FAN1: variants seen among roughly 807,000 people sequenced by gnomAD.
FAN1 encodes FANCD2 and FANCI associated nuclease 1.
A neutral mutation model predicts 104.9 loss-of-function variants in FAN1; 91 were observed. The observed-to-expected ratio is 0.87, with a 90% CI of 0.73 to 1.03. The LOEUF is 1.03. Among genes scored for constraint, FAN1 ranks in the 50% least tolerant of loss-of-function variants. The pLI is 0.00. For synonymous variants in FAN1, 478 were observed against 457.6 expected (o/e 1.04, Z -0.57); for missense variants, 1,263 against 1,239.9 (o/e 1.02, Z -0.28).
In FAN1 at chr15:30,925,152, T is replaced by C. The variant is rs1444785408; in HGVS notation, c.2198T>C (p.Leu733Pro). The C allele has an allele frequency of 1.2e-6, 2 of 1,613,986 alleles. No homozygotes were observed. Among genetic ancestry groups the C allele is most frequent in the Admixed American group, 3.3e-5 (2 of 60,006 alleles). The change falls in exon 9 of 15, where the codon CTG (leucine) becomes CCG (proline). Residue 733 changes from leucine to proline, a missense_variant. Transcript: ENST00000362065. ...EPTIKCITEGLADPEVRTGHR... is the reference protein window; with the variant it reads ...EPTIKCITEGPADPEVRTGHR... ...ACTATCAAGTGCATCACAGAGGGGC[T>C]GGCGGATCCGGAAGTCAGAACGGGA...
In FAN1 at chr15:30,904,754, A is replaced by G; in HGVS notation, c.91A>G (p.Ile31Val). The G allele has an allele frequency of 6.2e-7, 1 of 1,613,038 alleles. No homozygotes were observed. Residue 31 changes from isoleucine to valine, a missense_variant, in exon 2 of 15, where the codon ATT (isoleucine) becomes GTT (valine). By Grantham distance (29) the Ile-to-Val change is conservative. Transcript: ENST00000362065. The part of the protein sequence containing the change: ...KNKKKASNSI[I>V]SCFNNAPPAK... ...TAAGAAAAAAGCATCTAATTCTATT[A>G]TTTCGTGTTTTAACAATGCACCACC...
rs1435783014 is a variant in FAN1, at chr15:30,926,663, C to T, written c.2488+724C>T. 13 of 985,226 alleles carry T rather than the reference C, an allele frequency of 1.3e-5. No individual in the cohort carries two copies. The East Asian group carries it at 4.5e-4, about 34-fold the overall frequency. 61.0% of individuals were successfully genotyped at this position (985,226 alleles called of 1,614,324 possible). On this transcript the variant is annotated intron_variant, in intron 10 of 14. Transcript: ENST00000362065. ...AAATGCCAGTGAAGACAGAGAGATA[C>T]AGTAGGCCTGAAATGGTTAGAAATA...
At chr15:30,930,318 T>C (rs551083520) in intron 12 of FAN1, among the ~76,000 whole-genome samples, 14 of 152,256 alleles carry the variant, frequency 9.2e-5, no homozygotes, top group Admixed American at 2.6e-4. Context: ...GGCAGAAGCC[T>C]GGAAACTGAC....
chr15:30,925,261 C>A lies in FAN1; in HGVS notation c.2307C>A (p.Leu769=). The change falls in exon 9 of 15, where the codon CTC becomes CTA. Residue 769 remains leucine (L), a synonymous_variant. Coordinates refer to ENST00000362065, the MANE Select transcript of FAN1 (RefSeq NM_014967.5). The part of the protein sequence containing the change: ...CKKFKHLFQQ[L]PEMAVQDVKH... ...AGTTCAAGCACCTCTTCCAGCAGCT[C>A]CCAGAAATGGCTGTGCAAGATGTGA... 1 of 1,614,120 alleles carries A rather than the reference C, an allele frequency of 6.2e-7. No individual in the cohort carries two copies. Among genetic ancestry groups the A allele is most frequent in the Middle Eastern group, 1.6e-4 (1 of 6,062 alleles).
intron 10 of FAN1, chr15:30,927,424 T>C (rs771894972): frequency 2.0e-6 from 2 of 985,608 alleles, no homozygotes; most frequent in Non-Finnish European, 2.4e-6. Context: ...TTTGAATCCC[T>C]GAGACGGGCT....
At chr15:30,941,307 T>C in intron 14 of FAN1, 1 of 1,523,746 alleles carries the variant, frequency 6.6e-7, no homozygotes, top group East Asian at 2.5e-5. Context: ...TTAAAATAAG[T>C]GTGAAAGAAG....
Position 30,929,779 on chromosome 15 carries a change from T to TCA in FAN1, c.2787+382_2787+383insCA, listed in dbSNP as rs1285472396. On this transcript the variant is annotated intron_variant, in intron 12 of 14. Coordinates refer to ENST00000362065, the MANE Select transcript of FAN1 (RefSeq NM_014967.5). ...TATAATATATAAAATATATAATATA[T>TCA]TATATCATATATAATATAATATATA... is the stretch of plus-strand genomic sequence containing the variant. Among the ~76,000 whole-genome samples the TCA allele has an allele frequency of 1.5e-3, 33 of 22,720 alleles. 5 individuals carry two copies. The highest frequency in any genetic ancestry group is 9.6e-3 in the African/African-American group (32 of 3,340). The allele number at this position is 22,720 out of a possible 152,430, so 14.9% of individuals were successfully genotyped here. A position where few individuals can be genotyped will look rare whatever the true frequency, so the allele number is the denominator to read the frequency against.
chr15:30,929,921 CAT>C (rs3051975), intron 12 of FAN1, among the ~76,000 whole-genome samples: 38,898 of 87,308 alleles, frequency 0.45, 10,995 homozygotes, highest in East Asian at 0.9. Flanking sequence ...TAATATATAT[CAT>C]ATATAATATA....
intron 13 of FAN1, among the ~76,000 whole-genome samples, chr15:30,932,194 C>G (rs1191017002): frequency 7.3e-6 from 1 of 136,466 alleles, no homozygotes; most frequent in Non-Finnish European, 1.5e-5. Flanking sequence ...TGCACTCCAG[C>G]CTGGGCAACA....
intron 12 of FAN1, 100 bp downstream of exon 12, chr15:30,929,497 T>G: frequency 4.2e-6 from 3 of 713,086 alleles, no homozygotes; most frequent in Non-Finnish European, 6.8e-6. Flanking sequence ...TGTGTATATG[T>G]AAATACATGT....
At chr15:30,934,343 T>G (rs1018385712) in intron 13 of FAN1, among the ~76,000 whole-genome samples, 7 of 152,240 alleles carry the variant, frequency 4.6e-5, no homozygotes, top group African/African-American at 1.7e-4. Context: ...AGGCATCATA[T>G]AGTTGGGTCT....
At chr15:30,938,174 A>G (rs1468221761) in intron 14 of FAN1, among the ~76,000 whole-genome samples, 5 of 150,676 alleles carry the variant, frequency 3.3e-5, no homozygotes, top group African/African-American at 1.2e-4. Context: ...ACAGAGCGAG[A>G]CTCTGTCTCA....
At chr15:30,927,117 G>A (rs373825021) in intron 10 of FAN1, 17 of 919,778 alleles carry the variant, frequency 1.8e-5, no homozygotes, top group African/African-American at 8.9e-5. Context: ...ACGGAGGTGG[G>A]AGGATCTCTT....
chr15:30,920,324 G>C (rs974635459), intron 6 of FAN1, among the ~76,000 whole-genome samples: 1 of 152,212 alleles, frequency 6.6e-6, no homozygotes, highest in Non-Finnish European at 1.5e-5. Flanking sequence ...CCTTGGTTTA[G>C]AATGATGAGT....
chr15:30,908,084 G>A (rs1367621743), intron 2 of FAN1, 34 bp from the exon 3 acceptor site: 1 of 1,572,596 alleles, frequency 6.4e-7, no homozygotes, highest in East Asian at 2.3e-5. Flanking sequence ...GGTAAATGCA[G>A]TGATTTTCAA....
chr15:30,931,223 C>G (rs940985490), intron 13 of FAN1, among the ~76,000 whole-genome samples: 1 of 152,102 alleles, frequency 6.6e-6, no homozygotes, highest in African/African-American at 2.4e-5. Context: ...TTAAAAAGCT[C>G]AGAGAGTGAA....
intron 8 of FAN1, among the ~76,000 whole-genome samples, chr15:30,924,697 T>G (rs1045411106): frequency 7.9e-5 from 12 of 152,206 alleles, no homozygotes; most frequent in Admixed American, 1.3e-4. Flanking sequence ...CCTGGCGCTT[T>G]GATGTGGCCC....
intron 12 of FAN1, among the ~76,000 whole-genome samples, chr15:30,929,923 TATATA>T (rs1201590123): frequency 1.6e-4 from 6 of 38,442 alleles, no homozygotes; most frequent in Non-Finnish European, 3.1e-4. Context: ...ATATATATCA[TATATA>T]ATATATAAAA....
In FAN1 at chr15:30,910,658, G is replaced by A; in HGVS notation, c.1420G>A (p.Ala474Thr). Residue 474 changes from alanine to threonine, a missense_variant, in exon 4 of 15, where the codon GCT becomes ACT. By Grantham distance (58) the Ala-to-Thr change is moderately conservative (BLOSUM62 0). This residue lies in a region of FAN1 where 682 missense variants were observed against 571.1 expected (regional missense o/e 1.19). Coordinates refer to ENST00000362065, the MANE Select transcript of FAN1 (RefSeq NM_014967.5). ...ELSEVLELLSAPELKSLAKTF... is the reference protein window; with the variant it reads ...ELSEVLELLSTPELKSLAKTF... ...CTCTGAAGTGCTTGAACTCCTTTCTGCTCCTGAACTAAAATCCCTAGCCAA... is the reference window on the plus strand; with the variant it reads ...CTCTGAAGTGCTTGAACTCCTTTCTACTCCTGAACTAAAATCCCTAGCCAA... The A allele has an allele frequency of 6.2e-7, 1 of 1,613,400 alleles. No homozygotes were observed. Among genetic ancestry groups the A allele is most frequent in the South Asian group, 1.1e-5 (1 of 91,014 alleles).
Sources: allele counts gnomAD v4.1 joint callset (sites outside exome capture counted in the v4.1 genomes callset), GRCh38; gene constraint gnomAD v4.1.1; regional missense constraint gnomAD v4.1.1; transcripts MANE v1.5; gene names NCBI Gene and HGNC (gene_info 2026-07-23, HGNC 2026-07-21).